The following GPHN variants were observed in gnomAD, a reference collection of about 807,000 sequenced individuals.
The protein encoded by GPHN is gephyrin.
Under a neutral mutation model 95.5 loss-of-function variants are expected in GPHN, and 17 were observed. That is an observed-to-expected ratio of 0.18 (90% CI 0.12 to 0.27). The LOEUF is 0.27. GPHN is among the 10% of genes least tolerant of loss of function. The pLI, the probability that GPHN is intolerant of heterozygous loss-of-function variation, is 1.00. For synonymous variants in GPHN, 320 were observed against 322.5 expected, an observed-to-expected ratio of 0.99 and a Z score of 0.08; for missense variants, 660 against 978.1, an observed-to-expected ratio of 0.67 and a Z score of 4.34.
rs532307286 is a variant in GPHN at position 66,706,194 on chromosome 14, C to G, written c.143+25009C>G. 5.3e-5 allele frequency among the ~76,000 whole-genome samples: 8 copies of G among 152,230 alleles called. No individual in the cohort carries two copies. The South Asian group carries it at 1.7e-3, about 32-fold the overall frequency. On this transcript the variant is annotated intron_variant, in intron 2 of 22. Coordinates refer to ENST00000478722, the MANE Select transcript of GPHN (RefSeq NM_020806.5). The stretch of plus-strand genomic sequence containing the variant: ...AAGAAATGGAAAAACATTCCATGCT[C>G]ATGGATAGGAAGAAACAATATCGTG...
At chr14:66,712,319 AT>A (rs2069720274) in intron 2 of GPHN, among the ~76,000 whole-genome samples, 1 of 151,972 alleles carries the variant, frequency 6.6e-6, no homozygotes, top group Non-Finnish European at 1.5e-5. Flanking sequence ...TGTGGTTTTG[AT>A]TTGCATTTCT....
intron 2 of GPHN, among the ~76,000 whole-genome samples, chr14:66,729,331 A>C (rs1364050008): frequency 6.6e-6 from 1 of 152,162 alleles, no homozygotes; most frequent in Non-Finnish European, 1.5e-5. Context: ...ATTTGGAAAA[A>C]CTTCTAGTCC....
chr14:66,699,658 AATG>A (rs1320095483), intron 2 of GPHN, among the ~76,000 whole-genome samples: 3 of 152,158 alleles, frequency 2.0e-5, no homozygotes, highest in African/African-American at 7.2e-5. Context: ...CAAGACCAGT[AATG>A]ATCTGATTAC....
intron 3 of GPHN, among the ~76,000 whole-genome samples, chr14:66,783,541 C>T (rs1020258530): frequency 5.9e-5 from 9 of 152,190 alleles, no homozygotes; most frequent in Admixed American, 3.9e-4. Context: ...ACCACTATTT[C>T]ACCTTTCCTT....
rs1189246826 is a variant in GPHN at position 67,083,379 on chromosome 14, CT to C, written c.1145-5603del. Among the ~76,000 whole-genome samples, 10 of 152,196 alleles carry C rather than the reference CT, an allele frequency of 6.6e-5. No individual in the cohort carries two copies. In the East Asian group the frequency reaches 1.7e-3, roughly 26 times the overall value. ...TTTAAAAGTGTGTGGCACCTGCCCC[CT>C]CTCTCTCTTGCTCCTTCTCTGGCCA... On this transcript the variant is annotated intron_variant, in intron 11 of 22. Transcript: ENST00000478722.
chr14:67,189,067 G>T, the GPHN span, among the ~76,000 whole-genome samples: 1 of 152,096 alleles, frequency 6.6e-6, no homozygotes, highest in Admixed American at 6.6e-5. Flanking sequence ...GGCTCAAAGT[G>T]CCTTAAATAT....
chr14:66,746,357 T>C (rs1595765710), intron 2 of GPHN, among the ~76,000 whole-genome samples: 1 of 152,316 alleles, frequency 6.6e-6, no homozygotes, highest in South Asian at 2.1e-4. Flanking sequence ...CTGAGTCTTA[T>C]TTAGATCCTG....
At chr14:67,673,226 C>A in the GPHN span, among the ~76,000 whole-genome samples, 1 of 152,134 alleles carries the variant, frequency 6.6e-6, no homozygotes, top group Non-Finnish European at 1.5e-5. Flanking sequence ...CAACTGTAAT[C>A]CCTATTACTC....
intron 18 of GPHN, among the ~76,000 whole-genome samples, chr14:67,158,046 C>T (rs2081716543): frequency 1.3e-5 from 2 of 151,868 alleles, no homozygotes; most frequent in African/African-American, 4.8e-5. Flanking sequence ...GTGGTTCACG[C>T]CTGTAATCCC....
At position 66,752,020 on chromosome 14, in the gene GPHN, G is replaced by A. The variant is rs186898802; in HGVS notation, c.144-24444G>A. ...ACACTAGCACTTGCTGCTTTACCTC[G>A]TATGTTTTTGTTACAGATATAGCTT... On this transcript the variant is annotated intron_variant, in intron 2 of 22. Coordinates refer to ENST00000478722, the MANE Select transcript of GPHN (RefSeq NM_020806.5). Among the ~76,000 whole-genome samples, 193 of 152,164 alleles carry A rather than the reference G, an allele frequency of 1.3e-3. 1 individual carries two copies. Among genetic ancestry groups the A allele is most frequent in the Admixed American group, 2.5e-3 (38 of 15,266 alleles).
chr14:66,997,670 C>T (rs2071912535), intron 9 of GPHN, among the ~76,000 whole-genome samples: 1 of 152,142 alleles, frequency 6.6e-6, no homozygotes, highest in African/African-American at 2.4e-5. Context: ...ATGACAAACC[C>T]ATAGCCTCAC....
At chr14:66,974,090 T>A (rs1458144610) in intron 9 of GPHN, among the ~76,000 whole-genome samples, 1 of 152,188 alleles carries the variant, frequency 6.6e-6, no homozygotes, top group Admixed American at 6.5e-5. Flanking sequence ...TTCTCCTCCC[T>A]TATAACATGT....
At chr14:67,393,113 C>T in the GPHN span, 5 of 1,478,968 alleles carry the variant, frequency 3.4e-6, no homozygotes, top group South Asian at 5.7e-5. Context: ...CATGTCCCAG[C>T]TTGACTGCCC....
chr14:67,722,994 A>G, the GPHN span, among the ~76,000 whole-genome samples: 1 of 152,192 alleles, frequency 6.6e-6, no homozygotes, highest in Non-Finnish European at 1.5e-5. Context: ...GTAGCTCAAC[A>G]AACACCTTAG....
chr14:66,730,596 T>C (rs1287136743), intron 2 of GPHN, among the ~76,000 whole-genome samples: 1 of 152,164 alleles, frequency 6.6e-6, no homozygotes, highest in Non-Finnish European at 1.5e-5. Flanking sequence ...AAAGTAATAT[T>C]AAAATAGTTA....
At chr14:67,059,427 G>T (rs1290736044) in intron 11 of GPHN, among the ~76,000 whole-genome samples, 2 of 152,130 alleles carry the variant, frequency 1.3e-5, no homozygotes, top group East Asian at 1.9e-4. Context: ...ACACCAAAAA[G>T]AGAAGTTGTA....
chr14:66,773,493 ACGGGTGCT>A (rs1252303397), intron 2 of GPHN, among the ~76,000 whole-genome samples: 1 of 151,076 alleles, frequency 6.6e-6, no homozygotes, highest in Non-Finnish European at 1.5e-5. Flanking sequence ...AGCTGGGATT[ACGGGTGCT>A]CGCCACCACG....
rs563925019 is a variant in GPHN at position 66,629,192 on chromosome 14, T to C, written c.65-51915T>C. ...AAATATATATATACATATATAAATA[T>C]GTATATAAATATATATTTATATACA... On this transcript the variant is annotated intron_variant, in intron 1 of 22. Transcript: ENST00000478722. Among the ~76,000 whole-genome samples, 60 of 140,652 alleles carry C rather than the reference T, an allele frequency of 4.3e-4. 4 individuals are homozygous for C. The highest frequency in any genetic ancestry group is 8.9e-4 in the African/African-American group (34 of 38,094). The allele number at this position is 140,652 out of a possible 152,430, so 92.3% of individuals were successfully genotyped here. A position where few individuals can be genotyped will look rare whatever the true frequency, so the allele number is the denominator to read the frequency against.
the GPHN span, chr14:67,575,854 C>T: frequency 1.3e-5 from 21 of 1,613,640 alleles, no homozygotes; most frequent in African/African-American, 4.0e-5. Flanking sequence ...GTGCGGGATG[C>T]GCACATAGAG....
Sources: gnomAD v4.1 joint callset for allele counts (sites outside exome capture counted in the v4.1 genomes callset) on GRCh38, gnomAD v4.1.1 for gene constraint, MANE v1.5 for transcripts, NCBI Gene and HGNC (gene_info 2026-07-23, HGNC 2026-07-21) for gene names.